Variants in OTOG observed in about 807,000 individuals in gnomAD.
OTOG encodes the protein otogelin.
In OTOG, 296 loss-of-function variants were observed where a neutral mutation model predicts 313.8. That is an observed-to-expected ratio of 0.94 (90% CI 0.86 to 1.04). The LOEUF is 1.04. Among genes scored for constraint, OTOG ranks in the 50% least tolerant of loss-of-function variants. The pLI, the probability that OTOG is intolerant of heterozygous loss-of-function variation, is 0.00. For missense variants in OTOG, 3,948 were observed against 3,840.1 expected (o/e 1.03, Z -0.74); for synonymous variants, 1,533 against 1,554.9 (o/e 0.99, Z 0.33).
Position 17,573,132 on chromosome 11 carries a change from G to T in OTOG, c.2135G>T (p.Cys712Phe). The T allele has an allele frequency of 5.2e-6, 8 of 1,547,182 alleles. No homozygotes were observed. Among genetic ancestry groups the T allele is most frequent in the Non-Finnish European group, 7.0e-6 (8 of 1,146,952 alleles). The change falls in exon 19 of 56, where the codon TGC becomes TTC. Residue 712 changes from cysteine (C) to phenylalanine (F), a missense_variant. Transcript: ENST00000399397. ...CTCACGGGGGAGATGTTTGCGCCCT[G>T]CTCTGCGTTCCTGAGCCCCGTGCCC... is the stretch of plus-strand genomic sequence containing the variant. ...SVLTGEMFAP[C>F]SAFLSPVPYF... is the part of the protein sequence containing the mutation.
At chr11:17,568,179 T>G in intron 15 of OTOG, among the ~76,000 whole-genome samples, 1 of 152,190 alleles carries the variant, frequency 6.6e-6, no homozygotes, top group East Asian at 1.9e-4. Context: ...AGTGCTGAGA[T>G]TACAGGCGTG....
At chr11:17,632,062 C>A (rs1026994977) in intron 41 of OTOG, 26 bp from the exon 42 acceptor site, 68 of 1,548,194 alleles carry the variant, frequency 4.4e-5, no homozygotes, top group Non-Finnish European at 5.6e-5. Flanking sequence ...TCCGAGTAAC[C>A]AGCACTGCCT....
At chr11:17,631,564 C>T (rs1221174433) in intron 40 of OTOG, 138 bp from the exon 41 acceptor site, 5 of 719,536 alleles carry the variant, frequency 6.9e-6, no homozygotes, top group Non-Finnish European at 1.2e-5. Flanking sequence ...TTCCCTTCAC[C>T]TAATTTCCCT....
intron 22 of OTOG, among the ~76,000 whole-genome samples, chr11:17,577,203 C>A (rs1297228163): frequency 6.6e-6 from 1 of 152,228 alleles, no homozygotes; most frequent in Non-Finnish European, 1.5e-5. Flanking sequence ...GGTGTCTGGG[C>A]AGTTTCCTGA....
chr11:17,605,506 G>A (rs1014299453), intron 32 of OTOG, among the ~76,000 whole-genome samples: 2 of 152,286 alleles, frequency 1.3e-5, no homozygotes, highest in African/African-American at 2.4e-5. Context: ...TGGATCCTGC[G>A]TATCTAGAAT....
intron 52 of OTOG, 41 bp downstream of exon 52, chr11:17,641,992 G>A (rs1473587311): frequency 2.6e-6 from 4 of 1,537,990 alleles, no homozygotes; most frequent in East Asian, 2.4e-5. Context: ...GGGTGTCCCA[G>A]AAGGGGACAC....
In OTOG at chr11:17,602,211, G is replaced by C; in HGVS notation, c.3711G>C (p.Val1237=). The part of the protein sequence containing the change: ...CPYDCDFFNK[V]LGKGPYQLSS... Reference sequence around the variant, plus strand: ...GCTGATGGGGCCTCTTCTCTCCAGTGCTAGGTAAGGGCCCCTATCAGCTAT... The same window carrying C: ...GCTGATGGGGCCTCTTCTCTCCAGTCCTAGGTAAGGGCCCCTATCAGCTAT... The change falls in exon 32 of 56, where the codon GTG becomes GTC. Residue 1237 remains valine, a splice_region_variant and synonymous_variant. Coordinates refer to ENST00000399397, the MANE Select transcript of OTOG (RefSeq NM_001292063.2). The C allele has an allele frequency of 6.5e-7, 1 of 1,550,216 alleles. No individual in the cohort carries two copies. Among genetic ancestry groups the C allele is most frequent in the Non-Finnish European group, 8.7e-7 (1 of 1,146,918 alleles).
At chr11:17,612,374 C>T in intron 37 of OTOG, 44 bp downstream of exon 37, 1 of 1,487,742 alleles carries the variant, frequency 6.7e-7, no homozygotes, top group Non-Finnish European at 8.9e-7. Flanking sequence ...CTCCCTGTAT[C>T]CTTACCCCAG....
At chr11:17,614,712 A>G (rs1853681013) in intron 39 of OTOG, among the ~76,000 whole-genome samples, 2 of 152,352 alleles carry the variant, frequency 1.3e-5, no homozygotes, top group Admixed American at 1.3e-4. Flanking sequence ...ATTGTTGCAC[A>G]GATCAGTAGT....
At chr11:17,569,406 GTAGATCAGGA>G (rs1852359686) in intron 16 of OTOG, 118 bp downstream of exon 16, 1 of 1,387,812 alleles carries the variant, frequency 7.2e-7, no homozygotes, top group Non-Finnish European at 9.8e-7. Context: ...CTAGTACTGG[GTAGATCAGGA>G]TAGGGGACAC....
intron 18 of OTOG, 33 bp from the exon 19 acceptor site, chr11:17,573,045 C>T: frequency 1.3e-6 from 2 of 1,512,460 alleles, no homozygotes; most frequent in Non-Finnish European, 1.8e-6. Flanking sequence ...ACCGACTCCC[C>T]TGACTGCCTG....
chr11:17,640,993 G>A lies in OTOG; in HGVS notation c.8092G>A (p.Val2698Met), dbSNP rs1001847378. The part of the protein sequence containing the change: ...QTVVELSADG[V>M]CHTSRCTTVL... Reference sequence around the variant, plus strand: ...AGTGGTGGAGCTCTCAGCAGATGGCGTGTGCCACACCTCCCGCTGCACCAC... The same window carrying A: ...AGTGGTGGAGCTCTCAGCAGATGGCATGTGCCACACCTCCCGCTGCACCAC... The change falls in exon 51 of 56, where the codon GTG becomes ATG. Residue 2698 changes from valine to methionine, a missense_variant. Coordinates refer to ENST00000399397, the MANE Select transcript of OTOG (RefSeq NM_001292063.2). 3.3e-5 allele frequency: 51 copies of A among 1,548,404 alleles called. No individual in the cohort carries two copies. Among genetic ancestry groups the A allele is most frequent in the Middle Eastern group, 1.7e-4 (1 of 6,014 alleles).
intron 23 of OTOG, among the ~76,000 whole-genome samples, chr11:17,583,621 A>G (rs1027283383): frequency 3.3e-5 from 5 of 152,156 alleles, no homozygotes; most frequent in Non-Finnish European, 7.3e-5. Context: ...TGAAAAATTA[A>G]TTGACTGTAT....
intron 24 of OTOG, among the ~76,000 whole-genome samples, chr11:17,590,073 C>A (rs1475412130): frequency 6.6e-6 from 1 of 152,172 alleles, no homozygotes; most frequent in African/African-American, 2.4e-5. Context: ...TTTATACTTA[C>A]TCCCTTGGTG....
chr11:17,642,030 G>A (rs1847986428), intron 52 of OTOG, 79 bp downstream of exon 52: 15 of 1,523,844 alleles, frequency 9.8e-6, no homozygotes, highest in Non-Finnish European at 1.3e-5. Context: ...CTGGCTTGCA[G>A]GCCAGGGCTG....
chr11:17,569,809 T>C (rs947835998), intron 16 of OTOG, among the ~76,000 whole-genome samples: 2 of 152,180 alleles, frequency 1.3e-5, no homozygotes, highest in African/African-American at 4.8e-5. Context: ...AAATTTAAAT[T>C]TGTTACACTT....
Position 17,557,963 on chromosome 11 carries a change from A to T in OTOG, c.866-222A>T, listed in dbSNP as rs558685504. On this transcript the variant is annotated intron_variant, in intron 8 of 55. Transcript: ENST00000399397. ...ATCCCCTGAGTTTGGAGCCATAGGG[A>T]GCTACTACAGGTTCCTGAGCATTCT... Among the ~76,000 whole-genome samples, 5 of 152,194 alleles carry T rather than the reference A, an allele frequency of 3.3e-5. No homozygotes were observed. In the East Asian group the frequency reaches 5.8e-4, roughly 18 times the overall value.
In OTOG at chr11:17,591,524, A is replaced by T. The variant is rs1240901246; in HGVS notation, c.2942A>T (p.His981Leu). Residue 981 changes from histidine to leucine, a missense_variant, in exon 25 of 56, where the codon CAT becomes CTT. His to Leu is a moderately conservative substitution (Grantham distance 99). Transcript: ENST00000399397. ...ACCTGCACTGCCTATGGGGACCGGCATTACCGCACGTTTGATGGGCTCCCG... is the reference window on the plus strand; with the variant it reads ...ACCTGCACTGCCTATGGGGACCGGCTTTACCGCACGTTTGATGGGCTCCCG... ...ASTCTAYGDR[H>L]YRTFDGLPFD... 1.9e-6 allele frequency: 3 copies of T among 1,550,552 alleles called. No individual in the cohort carries two copies. Among genetic ancestry groups the T allele is most frequent in the Non-Finnish European group, 2.6e-6 (3 of 1,147,022 alleles).
Position 17,553,406 on chromosome 11 carries a change from TG to T in OTOG, c.432del (p.Gln145SerfsTer75), listed in dbSNP as rs1393191930. On this transcript the variant is annotated frameshift_variant, in exon 6 of 56. Coordinates refer to ENST00000399397, the MANE Select transcript of OTOG (RefSeq NM_001292063.2). LOFTEE classifies it high-confidence loss of function. Reference sequence around the variant, plus strand: ...TGAGAGGGACAGCATTTGCCGGGCGTGGGGGCAGCACCACGTGGAGACATTT... The same window carrying T: ...TGAGAGGGACAGCATTTGCCGGGCGTGGGGCAGCACCACGTGGAGACATTT... ...GPERDSICRA[W>X]GQHHVETFDG... 1.5e-5 allele frequency: 22 copies of T among 1,468,748 alleles called. No individual in the cohort carries two copies. The highest frequency in any genetic ancestry group is 1.8e-5 in the Non-Finnish European group (20 of 1,107,056). The allele number at this position is 1,468,748 out of a possible 1,614,324, so 91.0% of individuals were successfully genotyped here.
Sources: allele counts gnomAD v4.1 joint callset (sites outside exome capture counted in the v4.1 genomes callset), GRCh38; gene constraint gnomAD v4.1.1; transcripts MANE v1.5; gene names NCBI Gene and HGNC (gene_info 2026-07-23, HGNC 2026-07-21).